PLXNA2: variants seen among roughly 807,000 people sequenced by gnomAD.
PLXNA2 encodes plexin A2.
Under a neutral mutation model 193.5 loss-of-function variants are expected in PLXNA2, and 91 were observed. The ratio of observed to expected loss-of-function variants is 0.47; its 90% confidence interval spans 0.40 to 0.56. The LOEUF (loss-of-function observed/expected upper bound fraction) is 0.56, where lower values mean the gene tolerates loss of function less well. Among genes scored for constraint, PLXNA2 ranks in the 20% least tolerant of loss-of-function variants. The pLI is 0.00. For missense variants in PLXNA2, 1,995 were observed against 2,503.2 expected, an observed-to-expected ratio of 0.80 and a Z score of 4.33; for synonymous variants, 997 against 1,027.3, an observed-to-expected ratio of 0.97 and a Z score of 0.56.
intron 3 of PLXNA2, among the ~76,000 whole-genome samples, chr1:208,188,825 G>A (rs7411544): frequency 1.6e-4 from 25 of 152,022 alleles, no homozygotes; most frequent in Non-Finnish European, 2.9e-4. Context: ...AATGTGTAAA[G>A]TTGGATCTTC....
At chr1:208,141,982 A>C (rs1287279050) in intron 4 of PLXNA2, among the ~76,000 whole-genome samples, 1 of 151,990 alleles carries the variant, frequency 6.6e-6, no homozygotes, top group Non-Finnish European at 1.5e-5. Context: ...GATTATTTAC[A>C]CCTCTTTGGC....
intron 18 of PLXNA2, 106 bp from the exon 19 acceptor site, chr1:208,045,316 A>T (rs1433133845): frequency 8.3e-7 from 1 of 1,207,978 alleles, no homozygotes; most frequent in African/African-American, 1.5e-5. Flanking sequence ...GCAGTGCAAA[A>T]ACCAGGAAAT....
At chr1:208,147,234 G>A (rs1008858983) in intron 3 of PLXNA2, among the ~76,000 whole-genome samples, 41 of 152,128 alleles carry the variant, frequency 2.7e-4, no homozygotes, top group African/African-American at 8.2e-4. Flanking sequence ...TGTTGCCCAG[G>A]CTGGTCTCAA....
At chr1:208,210,076 T>C (rs1239926642) in intron 3 of PLXNA2, 1 of 527,068 alleles carries the variant, frequency 1.9e-6, no homozygotes, top group African/African-American at 1.9e-5. Context: ...TTGCATTCCT[T>C]ACATACCCAA....
At chr1:208,045,657 AC>A (rs1256180000) in intron 18 of PLXNA2, among the ~76,000 whole-genome samples, 1 of 152,206 alleles carries the variant, frequency 6.6e-6, no homozygotes, top group East Asian at 1.9e-4. Context: ...ACAAGAACTA[AC>A]AGAAATATTC....
chr1:208,069,606 C>T (rs1028403954), intron 12 of PLXNA2, among the ~76,000 whole-genome samples: 6 of 152,044 alleles, frequency 3.9e-5, no homozygotes, highest in Admixed American at 3.3e-4. Context: ...GGAGTGAGTG[C>T]TCAGGTGGGC....
At chr1:208,215,645 G>A (rs1238020645) in intron 2 of PLXNA2, among the ~76,000 whole-genome samples, 1 of 151,874 alleles carries the variant, frequency 6.6e-6, no homozygotes, top group Non-Finnish European at 1.5e-5. Flanking sequence ...ATGGATGGAT[G>A]GATGGATGGA....
chr1:208,242,201 A>C (rs1672078465), intron 1 of PLXNA2, among the ~76,000 whole-genome samples: 1 of 152,146 alleles, frequency 6.6e-6, no homozygotes, highest in African/African-American at 2.4e-5. Flanking sequence ...AAGGCCCCAG[A>C]ATCCAAAGCC....
intron 12 of PLXNA2, among the ~76,000 whole-genome samples, chr1:208,067,097 C>A (rs1558174338): frequency 6.6e-6 from 1 of 152,106 alleles, no homozygotes; most frequent in Non-Finnish European, 1.5e-5. Context: ...GTAATCCCAG[C>A]ACTTTGGGAG....
intron 22 of PLXNA2, among the ~76,000 whole-genome samples, chr1:208,041,150 A>G (rs1357405412): frequency 6.6e-6 from 1 of 152,162 alleles, no homozygotes; most frequent in African/African-American, 2.4e-5. Context: ...TCTTAATGAG[A>G]GTTTCTAATG....
At chr1:208,195,156 T>A (rs1014281362) in intron 3 of PLXNA2, among the ~76,000 whole-genome samples, 1 of 152,124 alleles carries the variant, frequency 6.6e-6, no homozygotes, top group African/African-American at 2.4e-5. Context: ...TCTAGAAGCA[T>A]CCGTGGGAGA....
At position 208,240,638 on chromosome 1, in the gene PLXNA2, G is replaced by A. The variant is rs183552206; in HGVS notation, c.-81+3005C>T. Among the ~76,000 whole-genome samples, 381 of 151,998 alleles carry A rather than the reference G, an allele frequency of 2.5e-3. 4 individuals are homozygous for A. Among genetic ancestry groups the A allele is most frequent in the Admixed American group, 0.022 (339 of 15,276 alleles). ...TTGGGGCTGAGGGGGGAACGCACAC[G>A]AGCTGTAAAACTCCCAGCACCTCAA... On this transcript the variant is annotated intron_variant, in intron 1 of 31. Coordinates refer to ENST00000367033, the MANE Select transcript of PLXNA2 (RefSeq NM_025179.4).
chr1:208,150,009 C>G (rs1390926952), intron 3 of PLXNA2, among the ~76,000 whole-genome samples: 1 of 152,186 alleles, frequency 6.6e-6, no homozygotes, highest in Non-Finnish European at 1.5e-5. Context: ...CAGCTAGGAG[C>G]CTGGCCCTAA....
rs546570070 is a variant in PLXNA2, at chr1:208,028,237, C to T, written c.5439-78G>A. On this transcript the variant is annotated intron_variant, in intron 30 of 31. Transcript: ENST00000367033. This position sits in a 1 kb window ranked among gnomAD's most constrained non-coding sequence, Gnocchi z 4.2. ...ATAGCTACCCCGGGCCCAGGTCCTT[C>T]GAGGGCACTGATGTACCCAGTTGCT... 147 of 1,394,720 alleles carry T rather than the reference C, an allele frequency of 1.1e-4. No individual in the cohort carries two copies. In the African/African-American group the frequency reaches 1.7e-3, roughly 17 times the overall value. 86.4% of individuals were successfully genotyped at this position (1,394,720 alleles called of 1,614,324 possible).
intron 4 of PLXNA2, among the ~76,000 whole-genome samples, chr1:208,135,473 A>C (rs1014758924): frequency 6.6e-6 from 1 of 152,234 alleles, no homozygotes. Context: ...ATTTCCAGGC[A>C]GTGTGATCCT....
rs907726706 is a variant in PLXNA2, at chr1:208,028,684, G to T, written c.5438+146C>A. 4.4e-6 allele frequency: 3 copies of T among 684,916 alleles called. No individual in the cohort carries two copies. Among genetic ancestry groups the T allele is most frequent in the Non-Finnish European group, 4.9e-6 (2 of 409,554 alleles). The allele number at this position is 684,916 out of a possible 1,614,324, so 42.4% of individuals were successfully genotyped here. A position where few individuals can be genotyped will look rare whatever the true frequency, so the allele number is the denominator to read the frequency against. ...CGGGCACAAAGCCACCCTTCCTCCC[G>T]CAGCAGGGGGTGTGGCAGGGAGGGG... On this transcript the variant is annotated intron_variant, in intron 30 of 31. Transcript: ENST00000367033. The surrounding 1 kb of genome is among the most constrained non-coding windows in gnomAD (Gnocchi z 4.2).
chr1:208,221,381 GTTTTTTTTTTTT>G (rs33915614), intron 1 of PLXNA2, among the ~76,000 whole-genome samples: 663 of 58,090 alleles, frequency 0.011, 15 homozygotes, highest in African/African-American at 0.042. Flanking sequence ...TTCTTTTTCT[GTTTTTTTTTTTT>G]TTTTTTTTTT....
intron 3 of PLXNA2, among the ~76,000 whole-genome samples, chr1:208,168,724 G>GTTTTTTTTTTTTTTT (rs10668701): frequency 1.4e-5 from 1 of 73,156 alleles, no homozygotes; most frequent in Non-Finnish European, 2.3e-5. Flanking sequence ...AGTATGCGGG[G>GTTTTTTTTTTTTTTT]TTTTTTTTTT....
chr1:208,050,380 T>G (rs1198655073), intron 17 of PLXNA2, among the ~76,000 whole-genome samples: 1 of 152,228 alleles, frequency 6.6e-6, no homozygotes, highest in Non-Finnish European at 1.5e-5. Context: ...AGCCAGAATT[T>G]CTCCAACCAC....
Sources: gnomAD v4.1 joint callset for allele counts (sites outside exome capture counted in the v4.1 genomes callset) on GRCh38, gnomAD v4.1.1 for gene constraint, Gnocchi (gnomAD v3.1) non-coding constraint, MANE v1.5 for transcripts, NCBI Gene and HGNC (gene_info 2026-07-23, HGNC 2026-07-21) for gene names.